Variants in ABHD12B observed in about 807,000 individuals in gnomAD.
ABHD12B encodes the protein abhydrolase domain containing 12B, also known as protein ABHD12B.
In ABHD12B, 42 loss-of-function variants were observed where a neutral mutation model predicts 50.4. The ratio of observed to expected loss-of-function variants is 0.83; its 90% CI spans 0.65 to 1.08. ABHD12B has a LOEUF of 1.08. ABHD12B is among the 50% of genes least tolerant of loss of function. The pLI is 0.00. For synonymous variants in ABHD12B, 167 were observed against 160.3 expected, an observed-to-expected ratio of 1.04 and a Z score of -0.32; for missense variants, 479 against 447.7, an observed-to-expected ratio of 1.07 and a Z score of -0.63.
intron 10 of ABHD12B, among the ~76,000 whole-genome samples, chr14:50,903,152 T>C (rs564173904): frequency 6.6e-6 from 1 of 152,120 alleles, no homozygotes; most frequent in Admixed American, 6.5e-5. Flanking sequence ...CAGAAGTAAA[T>C]TAATTAAACA....
At chr14:50,899,054 A>G (rs1046519932) in intron 9 of ABHD12B, among the ~76,000 whole-genome samples, 4 of 152,198 alleles carry the variant, frequency 2.6e-5, no homozygotes, top group Non-Finnish European at 4.4e-5. Flanking sequence ...TTAGCTGGGC[A>G]TGGTGGCAGG....
intron 1 of ABHD12B, among the ~76,000 whole-genome samples, chr14:50,872,590 T>C (rs1245786060): frequency 6.6e-6 from 1 of 152,150 alleles, no homozygotes; most frequent in Non-Finnish European, 1.5e-5. Flanking sequence ...CCTACACCAA[T>C]CTCTATTATC....
At chr14:50,874,862 G>A (rs2049839174) in intron 1 of ABHD12B, among the ~76,000 whole-genome samples, 1 of 152,210 alleles carries the variant, frequency 6.6e-6, no homozygotes, top group African/African-American at 2.4e-5. Flanking sequence ...CTTGCTCTGT[G>A]GAGCACACAT....
chr14:50,880,417 T>C (rs777420122), intron 3 of ABHD12B, 35 bp from the exon 4 acceptor site: 1 of 1,549,214 alleles, frequency 6.5e-7, no homozygotes, highest in East Asian at 2.3e-5. Context: ...AGAATTCCTC[T>C]TTCTACATTT....
intron 9 of ABHD12B, chr14:50,892,630 T>C: frequency 3.1e-6 from 3 of 967,680 alleles, no homozygotes; most frequent in Non-Finnish European, 3.7e-6. Flanking sequence ...TGTTATATGG[T>C]TTCTATATTT....
chr14:50,892,713 T>G (rs2050135813), intron 9 of ABHD12B: 1 of 541,544 alleles, frequency 1.8e-6, no homozygotes, highest in Non-Finnish European at 2.4e-6. Flanking sequence ...TTTAAAAATT[T>G]CTTTAGATAG....
At chr14:50,890,572 TA>T (rs1358009891) in intron 9 of ABHD12B, among the ~76,000 whole-genome samples, 1 of 152,218 alleles carries the variant, frequency 6.6e-6, no homozygotes, top group East Asian at 1.9e-4. Flanking sequence ...TTATATAGAA[TA>T]TATTTTATTT....
In ABHD12B at chr14:50,901,976, T is replaced by C. The variant is rs2050265273; in HGVS notation, c.863+65T>C. 29 of 1,039,148 alleles carry C rather than the reference T, an allele frequency of 2.8e-5. 1 individual carries two copies. The South Asian group carries it at 4.9e-4, about 18-fold the overall frequency. 64.4% of individuals were successfully genotyped at this position (1,039,148 alleles called of 1,614,324 possible). A position where few individuals can be genotyped will look rare whatever the true frequency, so the allele number is the denominator to read the frequency against. ...TAAAGGATTCTAGGGGCAACTATCA[T>C]GTGACTTACTGGATGGTGACATGAG... On this transcript the variant is annotated intron_variant, in intron 10 of 12. Coordinates refer to ENST00000337334, the MANE Select transcript of ABHD12B (RefSeq NM_001206673.2).
intron 9 of ABHD12B, chr14:50,891,908 A>G (rs2050125014): frequency 6.6e-6 from 1 of 152,128 alleles, no homozygotes; most frequent in Non-Finnish European, 1.5e-5. Flanking sequence ...TTAATATACT[A>G]TGGTCTTTTA....
intron 9 of ABHD12B, among the ~76,000 whole-genome samples, chr14:50,897,743 T>C (rs1047447040): frequency 6.6e-6 from 1 of 152,216 alleles, no homozygotes; most frequent in African/African-American, 2.4e-5. Flanking sequence ...TCCCTAAGTT[T>C]TCCCATTTTT....
chr14:50,875,046 T>G (rs2049842208), intron 1 of ABHD12B, among the ~76,000 whole-genome samples: 1 of 152,168 alleles, frequency 6.6e-6, no homozygotes, highest in Non-Finnish European at 1.5e-5. Context: ...CAGAGGGAAA[T>G]GTAAAGGAAG....
chr14:50,875,737 G>C (rs2049854020), intron 1 of ABHD12B, among the ~76,000 whole-genome samples: 1 of 152,200 alleles, frequency 6.6e-6, no homozygotes, highest in Non-Finnish European at 1.5e-5. Flanking sequence ...CATTATTGAT[G>C]CTCTGAGGAT....
In ABHD12B at chr14:50,880,593, T is replaced by A. The variant is rs757947582; in HGVS notation, c.455+22T>A. 4.7e-6 allele frequency: 7 copies of A among 1,491,834 alleles called. No individual in the cohort carries two copies. The East Asian group carries it at 1.5e-4, about 32-fold the overall frequency. 92.4% of individuals were successfully genotyped at this position (1,491,834 alleles called of 1,614,324 possible). Reference sequence around the variant, plus strand: ...ACAGGTCAGTGGCTCTGCTTACATATTTTTTTTTCAGGAGATTGAGAGCAT... The same window carrying A: ...ACAGGTCAGTGGCTCTGCTTACATAATTTTTTTTCAGGAGATTGAGAGCAT... On this transcript the variant is annotated intron_variant, in intron 4 of 12. Transcript: ENST00000337334.
intron 8 of ABHD12B, among the ~76,000 whole-genome samples, chr14:50,887,344 G>A (rs1358957648): frequency 6.6e-6 from 1 of 151,378 alleles, no homozygotes; most frequent in Non-Finnish European, 1.5e-5. Flanking sequence ...TTTATGTCAG[G>A]GTTTCTCAAA....
At chr14:50,896,804 C>A (rs2050206113) in intron 9 of ABHD12B, among the ~76,000 whole-genome samples, 1 of 152,188 alleles carries the variant, frequency 6.6e-6, no homozygotes, top group Non-Finnish European at 1.5e-5. Flanking sequence ...CTCAGCCCGC[C>A]TGCACCCAGG....
chr14:50,887,440 T>C (rs1346991137), intron 8 of ABHD12B, among the ~76,000 whole-genome samples: 1 of 152,028 alleles, frequency 6.6e-6, no homozygotes, highest in East Asian at 1.9e-4. Context: ...TTAAAAAAAA[T>C]TAAAATTAGA....
At position 50,904,484 on chromosome 14, in the gene ABHD12B, C is replaced by G. The variant is rs1290388951; in HGVS notation, c.*118C>G. The G allele has an allele frequency of 2.4e-6, 3 of 1,255,220 alleles. No individual in the cohort carries two copies. Among genetic ancestry groups the G allele is most frequent in the East Asian group, 2.3e-5 (1 of 42,900 alleles). 77.8% of individuals were successfully genotyped at this position (1,255,220 alleles called of 1,614,324 possible). On this transcript the variant is annotated 3_prime_UTR_variant, in exon 13 of 13. Coordinates refer to ENST00000337334, the MANE Select transcript of ABHD12B (RefSeq NM_001206673.2). ...GGATGAGCTGAGGCCATTGACTTCTCTACAAATCACTTGCCATTTTAACAA... is the reference window on the plus strand; with the variant it reads ...GGATGAGCTGAGGCCATTGACTTCTGTACAAATCACTTGCCATTTTAACAA...
chr14:50,892,460 C>T (rs912338951), intron 9 of ABHD12B: 37 of 985,268 alleles, frequency 3.8e-5, no homozygotes, highest in South Asian at 4.7e-5. Context: ...TTCTGCCCTC[C>T]GCTAAGGTAG....
At position 50,903,464 on chromosome 14, in the gene ABHD12B, A is replaced by G; in HGVS notation, c.939A>G (p.Lys313=). The G allele has an allele frequency of 6.2e-7, 1 of 1,611,506 alleles. No homozygotes were observed. Among genetic ancestry groups the G allele is most frequent in the Non-Finnish European group, 8.5e-7 (1 of 1,178,314 alleles). ...DDRTVPLEYG[K]KLYEIARNAY... is the part of the protein sequence containing the mutation. ...GGACAGTGCCTTTGGAGTATGGGAA[A>G]AAGGTAAACTAAGGGCTCAATGCTG... is the stretch of plus-strand genomic sequence containing the variant. Residue 313 remains lysine, a synonymous_variant, in exon 11 of 13, where the codon AAA becomes AAG. Transcript: ENST00000337334.
Sources: gnomAD v4.1 joint callset for allele counts (sites outside exome capture counted in the v4.1 genomes callset) on GRCh38, gnomAD v4.1.1 for gene constraint, MANE v1.5 for transcripts, NCBI Gene and HGNC (gene_info 2026-07-23, HGNC 2026-07-21) for gene names.